MSRB1: variants seen among roughly 807,000 people sequenced by gnomAD.
MSRB1 encodes the protein methionine sulfoxide reductase B1.
A neutral mutation model predicts 15.2 loss-of-function variants in MSRB1; 13 were observed. That is an observed-to-expected ratio of 0.86 (90% CI 0.56 to 1.36). MSRB1 has a LOEUF of 1.36. Ranked by LOEUF, MSRB1 falls within the 40% of genes most tolerant of loss-of-function variation. The pLI, the probability that MSRB1 is intolerant of heterozygous loss-of-function variation, is 0.00. For missense variants in MSRB1, 174 were observed against 155.9 expected (o/e 1.12, Z -0.62); for synonymous variants, 68 against 64.5 (o/e 1.05, Z -0.26).
chr16:1,941,505 G>A (rs2083077242), intron 1 of MSRB1, 100 bp from the exon 2 acceptor site: 11 of 1,451,878 alleles, frequency 7.6e-6, no homozygotes, highest in South Asian at 4.1e-5. Context: ...CGCTGCCCCC[G>A]TTCCGAGGGT....
At chr16:1,939,755 A>C (rs1480008747) in intron 3 of MSRB1, among the ~76,000 whole-genome samples, 1 of 152,196 alleles carries the variant, frequency 6.6e-6, no homozygotes, top group African/African-American at 2.4e-5. Context: ...GGAGTTCCAG[A>C]CCAGCCTGGC....
intron 3 of MSRB1, 62 bp downstream of exon 3, chr16:1,940,716 G>A: frequency 6.5e-7 from 1 of 1,546,890 alleles, no homozygotes. Flanking sequence ...ACAAACACTG[G>A]GCCCCCCAGC....
intron 1 of MSRB1, 100 bp downstream of exon 1, chr16:1,943,002 C>T: frequency 6.7e-7 from 1 of 1,493,516 alleles, no homozygotes; most frequent in Non-Finnish European, 9.1e-7. Context: ...CGCCCCCATT[C>T]CCGGCTTGGG....
At position 1,943,030 on chromosome 16, in the gene MSRB1, A is replaced by G. The variant is rs2083089948; in HGVS notation, c.55+72T>C. 6 of 1,538,138 alleles carry G rather than the reference A, an allele frequency of 3.9e-6. No homozygotes were observed. In the Admixed American group the frequency reaches 1.2e-4, roughly 30 times the overall value. ...GGCTTGGGAGAGACATCACCCCCGGACGACGGCGGCGCCCCCGCTAATGCG... is the reference window on the plus strand; with the variant it reads ...GGCTTGGGAGAGACATCACCCCCGGGCGACGGCGGCGCCCCCGCTAATGCG... On this transcript the variant is annotated intron_variant, in intron 1 of 3. Coordinates refer to ENST00000361871, the MANE Select transcript of MSRB1 (RefSeq NM_016332.4).
At position 1,940,738 on chromosome 16, in the gene MSRB1, G is replaced by C. The variant is rs761788187; in HGVS notation, c.319+40C>G. 5 of 1,583,926 alleles carry C rather than the reference G, an allele frequency of 3.2e-6. No individual in the cohort carries two copies. The East Asian group carries it at 1.1e-4, about 36-fold the overall frequency. Reference sequence around the variant, plus strand: ...CTGGGCCCCCCAGCCTGGGCTCAAAGGCCAACAGGCCTGGCCCCAGCTGTG... The same window carrying C: ...CTGGGCCCCCCAGCCTGGGCTCAAACGCCAACAGGCCTGGCCCCAGCTGTG... On this transcript the variant is annotated intron_variant, in intron 3 of 3. Transcript: ENST00000361871.
intron 1 of MSRB1, among the ~76,000 whole-genome samples, chr16:1,942,371 A>T (rs1249837138): frequency 6.6e-6 from 1 of 152,196 alleles, no homozygotes; most frequent in African/African-American, 2.4e-5. Flanking sequence ...TTGCCTGTGG[A>T]TGTGTTTTTA....
intron 1 of MSRB1, among the ~76,000 whole-genome samples, chr16:1,942,484 T>C (rs1324778524): frequency 2.0e-5 from 3 of 152,212 alleles, no homozygotes; most frequent in Non-Finnish European, 4.4e-5. Flanking sequence ...GCCTGCCTGG[T>C]CAAACTTCAC....
rs1157031053 is a variant in MSRB1 at position 1,943,126 on chromosome 16, C to T, written c.31G>A (p.Val11Ile). 6.4e-7 allele frequency: 1 copy of T among 1,562,352 alleles called. No individual in the cohort carries two copies. Among genetic ancestry groups the T allele is most frequent in the African/African-American group, 1.4e-5 (1 of 73,574 alleles). Reference protein sequence around the residue: MSFCSFFGGEVFQNHFEPGVY... With the variant: MSFCSFFGGEIFQNHFEPGVY... Reference sequence around the variant, plus strand: ...CCAGGTTCAAAGTGATTCTGGAAAACCTCGCCCCCGAAGAAGCTGCAGAAC... The same window carrying T: ...CCAGGTTCAAAGTGATTCTGGAAAATCTCGCCCCCGAAGAAGCTGCAGAAC... The change falls in exon 1 of 4, where the codon GTT (valine) becomes ATT (isoleucine). Residue 11 changes from valine (V) to isoleucine (I), a missense_variant. Coordinates refer to ENST00000361871, the MANE Select transcript of MSRB1 (RefSeq NM_016332.4).
intron 2 of MSRB1, 54 bp from the exon 3 acceptor site, chr16:1,940,946 T>G: frequency 6.2e-7 from 1 of 1,611,448 alleles, no homozygotes; most frequent in South Asian, 1.1e-5. Context: ...ACAGCCACAG[T>G]GAAGGCCCTT....
Position 1,939,109 on chromosome 16 carries a change from C to G in MSRB1, c.*3G>C. 1 of 1,611,878 alleles carries G rather than the reference C, an allele frequency of 6.2e-7. No homozygotes were observed. ...CCGTCTGGGGTGGGTGTGGGCTGCCCGCCTAGTGACCCTGGGAGGCAGAAG... is the reference window on the plus strand; with the variant it reads ...CCGTCTGGGGTGGGTGTGGGCTGCCGGCCTAGTGACCCTGGGAGGCAGAAG... On this transcript the variant is annotated 3_prime_UTR_variant, in exon 4 of 4. Coordinates refer to ENST00000361871, the MANE Select transcript of MSRB1 (RefSeq NM_016332.4).
At chr16:1,941,713 T>C in intron 1 of MSRB1, 1 of 399,448 alleles carries the variant, frequency 2.5e-6, no homozygotes, top group South Asian at 2.7e-5. Context: ...GTGTGCAGCG[T>C]GAAGGAACCT....
rs1401421300 is a variant in MSRB1, at chr16:1,938,857, G to T, written c.*255C>A. The T allele has an allele frequency of 1.7e-6, 1 of 575,982 alleles. No homozygotes were observed. Among genetic ancestry groups the T allele is most frequent in the East Asian group, 3.2e-5 (1 of 31,360 alleles). 35.7% of individuals were successfully genotyped at this position (575,982 alleles called of 1,614,324 possible). ...TCCTGGAGGCACCTAGAGTGAGCAG[G>T]GGGCTAAGTCAGCCGACAGTGTGGC... On this transcript the variant is annotated 3_prime_UTR_variant, in exon 4 of 4. Transcript: ENST00000361871.
chr16:1,941,386 C>T lies in MSRB1; in HGVS notation c.75G>A (p.Lys25=). 6.2e-7 allele frequency: 1 copy of T among 1,613,370 alleles called. No homozygotes were observed. Among genetic ancestry groups the T allele is most frequent in the African/African-American group, 1.3e-5 (1 of 74,996 alleles). The change falls in exon 2 of 4, where the codon AAG becomes AAA. Residue 25 remains lysine (K), a synonymous_variant. Transcript: ENST00000361871. ...HFEPGVYVCA[K]CGYELFSSRS... ...GGCTGGAGAACAGCTCATAGCCACA[C>T]TTGGCACACACGTAAACGCCTGTGG...
chr16:1,941,130 G>A (rs1418983916), intron 2 of MSRB1, 127 bp downstream of exon 2: 2 of 1,552,974 alleles, frequency 1.3e-6, no homozygotes, highest in Non-Finnish European at 1.7e-6. Context: ...CCTGGCAGAG[G>A]CAACAGGCCT....
chr16:1,940,613 C>G (rs998866874), intron 3 of MSRB1, among the ~76,000 whole-genome samples, 165 bp downstream of exon 3: 2 of 152,260 alleles, frequency 1.3e-5, no homozygotes, highest in African/African-American at 4.8e-5. Flanking sequence ...CTCCTTTGCC[C>G]CTGCGCTGCA....
chr16:1,941,625 T>C, intron 1 of MSRB1: 1 of 613,384 alleles, frequency 1.6e-6, no homozygotes, highest in Non-Finnish European at 2.8e-6. Flanking sequence ...ATCTCCTTGA[T>C]TCTTCTCATA....
chr16:1,940,295 G>T (rs1442375065), intron 3 of MSRB1, among the ~76,000 whole-genome samples: 1 of 151,978 alleles, frequency 6.6e-6, no homozygotes, highest in East Asian at 1.9e-4. Flanking sequence ...AAAGGATGAG[G>T]ATTCATCAAG....
chr16:1,939,194 G>C (rs2974865), intron 3 of MSRB1, 51 bp from the exon 4 acceptor site: 1 of 1,578,832 alleles, frequency 6.3e-7, no homozygotes, highest in Admixed American at 1.9e-5. Context: ...AAAGCAAGCA[G>C]GGGCGGAAAG....
chr16:1,940,661 G>A (rs2083070583), intron 3 of MSRB1, 117 bp downstream of exon 3: 2 of 1,264,430 alleles, frequency 1.6e-6, no homozygotes, highest in African/African-American at 1.5e-5. Context: ...TTCCCAGGCA[G>A]CGTGACTTGG....
Sources: gnomAD v4.1 joint callset for allele counts (sites outside exome capture counted in the v4.1 genomes callset) on GRCh38, gnomAD v4.1.1 for gene constraint, MANE v1.5 for transcripts, NCBI Gene and HGNC (gene_info 2026-07-23, HGNC 2026-07-21) for gene names.